SETMAR: variants seen among roughly 807,000 people sequenced by gnomAD.
SETMAR encodes the protein histone-lysine N-methyltransferase SETMAR.
A neutral mutation model predicts 58.4 loss-of-function variants in SETMAR; 44 were observed. The ratio of observed to expected loss-of-function variants is 0.75; its 90% CI spans 0.59 to 0.97. SETMAR has a LOEUF of 0.97. Among genes scored for constraint, SETMAR ranks in the 50% least tolerant of loss-of-function variants. SETMAR has a pLI of 0.00. For missense variants in SETMAR, 903 were observed against 840.2 expected, an observed-to-expected ratio of 1.07 and a Z score of -0.92; for synonymous variants, 332 against 307.4, an observed-to-expected ratio of 1.08 and a Z score of -0.84.
chr3:4,307,133 A>C (rs1698219598), intron 1 of SETMAR, among the ~76,000 whole-genome samples: 1 of 152,214 alleles, frequency 6.6e-6, no homozygotes, highest in South Asian at 2.1e-4. Context: ...AAAAGGAATG[A>C]AGATTTTCAC....
At chr3:4,307,499 G>A (rs925170864) in intron 1 of SETMAR, among the ~76,000 whole-genome samples, 2 of 152,194 alleles carry the variant, frequency 1.3e-5, no homozygotes, top group Non-Finnish European at 2.9e-5. Context: ...AACAGTAAAT[G>A]TAAGTCTAGT....
chr3:4,312,969 T>C lies in SETMAR; in HGVS notation c.228T>C (p.Ile76=). ...DPTQITFPGC[I]CVKTPCLPGT... ...CTCAAATAACCTTTCCCGGATGCAT[T>C]TGTGTCAAAACTCCCTGCCTCCCTG... Residue 76 remains isoleucine (I), a synonymous_variant, in exon 2 of 3, where the codon ATT becomes ATC. Transcript: ENST00000358065. 6.2e-7 allele frequency: 1 copy of C among 1,613,906 alleles called. No homozygotes were observed. Among genetic ancestry groups the C allele is most frequent in the Non-Finnish European group, 8.5e-7 (1 of 1,179,880 alleles).
rs1470368319 is a variant in SETMAR at position 4,316,197 on chromosome 3, TTA to T, written c.1021-13_1021-12del. 2 of 675,638 alleles carry T rather than the reference TTA, an allele frequency of 3.0e-6. No homozygotes were observed. The highest frequency in any genetic ancestry group is 5.4e-6 in the Non-Finnish European group (2 of 372,790). 41.9% of individuals were successfully genotyped at this position (675,638 alleles called of 1,614,324 possible). A position where few individuals can be genotyped will look rare whatever the true frequency, so the allele number is the denominator to read the frequency against. On this transcript the variant is annotated splice_polypyrimidine_tract_variant and intron_variant, in intron 2 of 2. Coordinates refer to ENST00000358065, the MANE Select transcript of SETMAR (RefSeq NM_006515.4). The stretch of plus-strand genomic sequence containing the variant: ...TTGCTAATGACATCTTACTTGCTGT[TTA>T]TGTTTATTTTAGACTATGAAAATGA...
Position 4,312,815 on chromosome 3 carries a change from T to C in SETMAR, c.157-83T>C, listed in dbSNP as rs1698463153. On this transcript the variant is annotated intron_variant, in intron 1 of 2. Transcript: ENST00000358065. ...GTTTTTATATATGTTAGAATTAGAA[T>C]GGGTCCCAGTCAGAAGCTACTTGGA... 2.0e-6 allele frequency: 3 copies of C among 1,479,622 alleles called. No homozygotes were observed. The South Asian group carries it at 4.3e-5, about 21-fold the overall frequency. 91.7% of individuals were successfully genotyped at this position (1,479,622 alleles called of 1,614,324 possible).
intron 1 of SETMAR, chr3:4,303,963 C>A: frequency 1.2e-6 from 1 of 852,906 alleles, no homozygotes; most frequent in Non-Finnish European, 1.6e-6. Context: ...CTCCCTCACG[C>A]TGTGGGCTCT....
chr3:4,308,744 C>A (rs1016380416), intron 1 of SETMAR, among the ~76,000 whole-genome samples: 10 of 152,334 alleles, frequency 6.6e-5, no homozygotes, highest in Admixed American at 2.0e-4. Context: ...CAGAGTTTTC[C>A]TGCCTGGTCT....
At chr3:4,308,122 A>G (rs1419426480) in intron 1 of SETMAR, among the ~76,000 whole-genome samples, 10 of 152,312 alleles carry the variant, frequency 6.6e-5, no homozygotes, top group African/African-American at 1.9e-4. Flanking sequence ...GTAATACTTG[A>G]TAACTGAAAG....
rs1340506038 is a variant in SETMAR, at chr3:4,316,865, G to C, written c.1674G>C (p.Lys558Asn). 3 of 1,549,602 alleles carry C rather than the reference G, an allele frequency of 1.9e-6. No homozygotes were observed. The highest frequency in any genetic ancestry group is 2.4e-5 in the East Asian group (1 of 40,918). The stretch of plus-strand genomic sequence containing the variant: ...CCGGTGAAACCATTACATCTGAGAA[G>C]TATGCTCAGGAAATCGATGAGATGA... Reference protein sequence around the residue: ...LNPGETITSEKYAQEIDEMNQ... With the variant: ...LNPGETITSENYAQEIDEMNQ... The change falls in exon 3 of 3, where the codon AAG becomes AAC. Residue 558 changes from lysine to asparagine, a missense_variant. Lys to Asn is a moderately conservative substitution (Grantham distance 94). Coordinates refer to ENST00000358065, the MANE Select transcript of SETMAR (RefSeq NM_006515.4).
chr3:4,307,831 G>A (rs995819586), intron 1 of SETMAR, among the ~76,000 whole-genome samples: 3 of 152,150 alleles, frequency 2.0e-5, no homozygotes, highest in Non-Finnish European at 4.4e-5. Flanking sequence ...GAAGTCAGGA[G>A]TTTAAGACCA....
rs2125099872 is a variant in SETMAR, at chr3:4,313,548, A to G, written c.807A>G (p.Leu269=). ...ATTATTCAGGAAGATATCTTAATCT[A>G]ACAGTCAGTGAAGACAAAGAAAGGC... ...SYDYSGRYLN[L]TVSEDKERLD... is the part of the protein sequence containing the mutation. Residue 269 remains leucine (L), a synonymous_variant, in exon 2 of 3, where the codon CTA becomes CTG. Coordinates refer to ENST00000358065, the MANE Select transcript of SETMAR (RefSeq NM_006515.4). The G allele has an allele frequency of 6.2e-7, 1 of 1,614,062 alleles. No homozygotes were observed. Among genetic ancestry groups the G allele is most frequent in the South Asian group, 1.1e-5 (1 of 91,078 alleles).
intron 1 of SETMAR, among the ~76,000 whole-genome samples, chr3:4,306,602 CAAG>C (rs1204590615): frequency 2.6e-5 from 4 of 152,088 alleles, no homozygotes; most frequent in Admixed American, 6.5e-5. Context: ...TCTTTCTTAC[CAAG>C]AAGATCAAAC....
rs1698063045 is a variant in SETMAR, at chr3:4,303,862, C to T, written c.156+336C>T. The T allele has an allele frequency of 2.3e-6, 3 of 1,312,516 alleles. No individual in the cohort carries two copies. The Admixed American group carries it at 7.3e-5, about 32-fold the overall frequency. 81.3% of individuals were successfully genotyped at this position (1,312,516 alleles called of 1,614,324 possible). ...TTTACCTCCCTGGTCTCAGGTGTCT[C>T]TCACAGGTAGGATAAGCCGTGGGGC... is the stretch of plus-strand genomic sequence containing the variant. On this transcript the variant is annotated intron_variant, in intron 1 of 2. Transcript: ENST00000358065.
chr3:4,310,875 CAA>C (rs1327223936), intron 1 of SETMAR, among the ~76,000 whole-genome samples: 3 of 152,034 alleles, frequency 2.0e-5, no homozygotes, highest in African/African-American at 4.8e-5. Flanking sequence ...AAAAGTTTAA[CAA>C]AGAGATCTTC....
intron 2 of SETMAR, 110 bp downstream of exon 2, chr3:4,313,871 G>C (rs1451220936): frequency 1.3e-6 from 2 of 1,536,786 alleles, no homozygotes; most frequent in South Asian, 2.5e-5. Flanking sequence ...ATGTGGCAGA[G>C]ACTGCAAGTT....
chr3:4,316,760 G>A lies in SETMAR; in HGVS notation c.1569G>A (p.Lys523=). The change falls in exon 3 of 3, where the codon AAG becomes AAA. Residue 523 remains lysine, a synonymous_variant. Transcript: ENST00000358065. ...DQEEAPKHFP[K]PILHPKKVMV... ...AAGAAGCTCCAAAGCACTTCCCAAA[G>A]CCAATCTTGCACCCAAAAAAGGTCA... is the stretch of plus-strand genomic sequence containing the variant. 4 of 1,550,776 alleles carry A rather than the reference G, an allele frequency of 2.6e-6. No individual in the cohort carries two copies. Among genetic ancestry groups the A allele is most frequent in the Non-Finnish European group, 3.5e-6 (4 of 1,146,740 alleles).
chr3:4,311,548 C>T (rs1698403912), intron 1 of SETMAR, among the ~76,000 whole-genome samples: 1 of 152,170 alleles, frequency 6.6e-6, no homozygotes. Flanking sequence ...GAATTCCTTC[C>T]TGGTATCAGT....
chr3:4,306,748 A>G (rs1698206326), intron 1 of SETMAR, among the ~76,000 whole-genome samples: 1 of 152,270 alleles, frequency 6.6e-6, no homozygotes, highest in Non-Finnish European at 1.5e-5. Flanking sequence ...CTTCACAGGC[A>G]TATGCACACA....
At chr3:4,315,840 AGTTT>A (rs1455143271) in intron 2 of SETMAR, among the ~76,000 whole-genome samples, 1 of 152,000 alleles carries the variant, frequency 6.6e-6, no homozygotes, top group Non-Finnish European at 1.5e-5. Context: ...TGAGCTTGGG[AGTTT>A]GAGACCACCC....
intron 1 of SETMAR, among the ~76,000 whole-genome samples, chr3:4,308,146 A>G (rs887042189): frequency 3.9e-5 from 6 of 152,236 alleles, no homozygotes; most frequent in Non-Finnish European, 8.8e-5. Context: ...TCTAGTCTGG[A>G]TCAGCTCTTA....
Sources: gnomAD v4.1 joint callset for allele counts (sites outside exome capture counted in the v4.1 genomes callset) on GRCh38, gnomAD v4.1.1 for gene constraint, MANE v1.5 for transcripts, NCBI Gene and HGNC (gene_info 2026-07-23, HGNC 2026-07-21) for gene names.